Variants in CYYR1 observed in about 807,000 individuals in gnomAD.
The protein encoded by CYYR1 is cysteine and tyrosine rich 1.
In CYYR1, 14 loss-of-function variants were observed where a neutral mutation model predicts 15.2. That is an observed-to-expected ratio of 0.92 (90% CI 0.61 to 1.44). The LOEUF is 1.44. Among genes scored for constraint, CYYR1 ranks in the 40% most tolerant of loss-of-function variants. CYYR1 has a pLI of 0.00. For synonymous variants in CYYR1, 80 were observed against 77.4 expected (o/e 1.03, Z -0.18); for missense variants, 228 against 209.5 (o/e 1.09, Z -0.54).
chr21:26,562,016 A>G (rs1333614900), intron 2 of CYYR1, among the ~76,000 whole-genome samples: 1 of 152,194 alleles, frequency 6.6e-6, no homozygotes, highest in East Asian at 1.9e-4. Flanking sequence ...ATTAAATCTC[A>G]TTAGCAGCAA....
At chr21:26,532,712 T>C (rs2065947197) in intron 2 of CYYR1, among the ~76,000 whole-genome samples, 1 of 152,118 alleles carries the variant, frequency 6.6e-6, no homozygotes, top group Admixed American at 6.6e-5. Flanking sequence ...TATTTTCAAC[T>C]AAGTACTTAT....
chr21:26,497,016 A>C (rs1024268715), intron 2 of CYYR1, among the ~76,000 whole-genome samples: 1 of 152,186 alleles, frequency 6.6e-6, no homozygotes, highest in Non-Finnish European at 1.5e-5. Flanking sequence ...ATTGAACAGT[A>C]ACTTATTATT....
chr21:26,556,314 T>A, intron 2 of CYYR1, among the ~76,000 whole-genome samples: 1 of 152,182 alleles, frequency 6.6e-6, no homozygotes, highest in East Asian at 1.9e-4. Context: ...AATAATCTAT[T>A]CTGGATCCTT....
intron 2 of CYYR1, among the ~76,000 whole-genome samples, chr21:26,558,000 T>C (rs1209294387): frequency 6.6e-6 from 1 of 152,188 alleles, no homozygotes; most frequent in Non-Finnish European, 1.5e-5. Flanking sequence ...CCACATCCCA[T>C]CAGTCCTCAA....
chr21:26,511,438 A>G (rs2065488321), intron 2 of CYYR1, among the ~76,000 whole-genome samples: 1 of 152,232 alleles, frequency 6.6e-6, no homozygotes, highest in African/African-American at 2.4e-5. Context: ...TGATGAACAA[A>G]AGAAGATGGA....
At chr21:26,530,889 G>A (rs771918621) in intron 2 of CYYR1, among the ~76,000 whole-genome samples, 3 of 152,030 alleles carry the variant, frequency 2.0e-5, no homozygotes, top group Non-Finnish European at 2.9e-5. Flanking sequence ...GTTTGCCAAG[G>A]TCATCACTGA....
At chr21:26,541,879 A>G (rs1368761434) in intron 2 of CYYR1, among the ~76,000 whole-genome samples, 3 of 152,188 alleles carry the variant, frequency 2.0e-5, no homozygotes. Flanking sequence ...GAAATAATAA[A>G]ATAAAGAGGT....
intron 2 of CYYR1, among the ~76,000 whole-genome samples, chr21:26,537,651 C>G (rs997495094): frequency 6.6e-5 from 10 of 152,126 alleles, no homozygotes; most frequent in Non-Finnish European, 4.4e-5. Flanking sequence ...AATGCTTAAC[C>G]TCCAACTGCA....
chr21:26,540,735 T>A (rs574649632), intron 2 of CYYR1, among the ~76,000 whole-genome samples: 49 of 151,430 alleles, frequency 3.2e-4, no homozygotes, highest in East Asian at 1.9e-4. Context: ...TGTATTCTTT[T>A]AAAAAAAAAT....
chr21:26,514,635 G>T (rs574095393), intron 2 of CYYR1, among the ~76,000 whole-genome samples: 5 of 152,286 alleles, frequency 3.3e-5, no homozygotes, highest in Admixed American at 3.3e-4. Flanking sequence ...GTTTCCTAGT[G>T]CAGGGAGACA....
At chr21:26,500,726 C>A (rs114014868) in intron 2 of CYYR1, among the ~76,000 whole-genome samples, 3 of 152,286 alleles carry the variant, frequency 2.0e-5, no homozygotes, top group African/African-American at 7.2e-5. Context: ...ATTGGCCACA[C>A]CCCTCTCCCC....
Position 26,468,314 on chromosome 21 carries a change from C to T in CYYR1, c.*187G>A, listed in dbSNP as rs971375227. 25 of 627,900 alleles carry T rather than the reference C, an allele frequency of 4.0e-5. No homozygotes were observed. In the Admixed American group the frequency reaches 4.8e-4, roughly 12 times the overall value. The allele number at this position is 627,900 out of a possible 1,614,324, so 38.9% of individuals were successfully genotyped here. ...GGTTCCATAGAACCAAACATTAATA[C>T]TCCAGATGGGGTCAGCTTTGAGCAG... On this transcript the variant is annotated 3_prime_UTR_variant, in exon 4 of 4. Transcript: ENST00000652641.
At chr21:26,540,444 A>C (rs1032726727) in intron 2 of CYYR1, among the ~76,000 whole-genome samples, 59 of 152,270 alleles carry the variant, frequency 3.9e-4, no homozygotes, top group African/African-American at 1.4e-3. Flanking sequence ...TAGAACTACG[A>C]AAACAGACGA....
chr21:26,524,515 C>G (rs963264671), intron 2 of CYYR1, among the ~76,000 whole-genome samples: 13 of 152,172 alleles, frequency 8.5e-5, no homozygotes, highest in African/African-American at 3.1e-4. Context: ...CATTTAAAAA[C>G]AAATTACCTT....
At chr21:26,562,727 A>AACACACACACACACAC (rs58990363) in intron 2 of CYYR1, among the ~76,000 whole-genome samples, 17 of 131,610 alleles carry the variant, frequency 1.3e-4, no homozygotes, top group African/African-American at 4.9e-4. Flanking sequence ...TCTCCTCCTA[A>AACACACACACACACAC]ACACACACAC....
chr21:26,486,194 C>T (rs979600659), intron 2 of CYYR1, among the ~76,000 whole-genome samples: 12 of 152,002 alleles, frequency 7.9e-5, no homozygotes, highest in Admixed American at 6.6e-5. Flanking sequence ...ATGTAGTTTG[C>T]GAATATTTTT....
chr21:26,487,238 T>G (rs1355194898), intron 2 of CYYR1, among the ~76,000 whole-genome samples: 1 of 152,010 alleles, frequency 6.6e-6, no homozygotes, highest in Non-Finnish European at 1.5e-5. Context: ...CTGGAAAAAG[T>G]AACCATAGCT....
At chr21:26,471,176 C>T (rs935647584) in intron 3 of CYYR1, 2 of 152,182 alleles carry the variant, frequency 1.3e-5, no homozygotes, top group African/African-American at 4.8e-5. Context: ...TAACAAACTT[C>T]ATCCAAGCCA....
chr21:26,488,727 C>CA (rs1210192836), intron 2 of CYYR1, among the ~76,000 whole-genome samples: 2 of 152,064 alleles, frequency 1.3e-5, no homozygotes, highest in African/African-American at 4.8e-5. Flanking sequence ...ACCTTCCTTT[C>CA]AGCTTTCTGA....
Sources: allele counts gnomAD v4.1 joint callset (sites outside exome capture counted in the v4.1 genomes callset), GRCh38; gene constraint gnomAD v4.1.1; transcripts MANE v1.5; gene names NCBI Gene and HGNC (gene_info 2026-07-23, HGNC 2026-07-21).